The following GALK2 variants were observed in gnomAD, a reference collection of about 807,000 sequenced individuals.
The protein encoded by GALK2 is N-acetylgalactosamine kinase.
In GALK2, 36 loss-of-function variants were observed where a neutral mutation model predicts 52.4. The ratio of observed to expected loss-of-function variants is 0.69; its 90% CI spans 0.53 to 0.91. The LOEUF (loss-of-function observed/expected upper bound fraction) is 0.91. GALK2 is among the 40% of genes least tolerant of loss of function. The pLI is 0.00. For missense variants in GALK2, 579 were observed against 559.1 expected (o/e 1.04, Z -0.36); for synonymous variants, 176 against 199.1 (o/e 0.88, Z 0.98).
chr15:49,338,335 C>G (rs1163892016), intron 3 of GALK2, among the ~76,000 whole-genome samples: 1 of 152,180 alleles, frequency 6.6e-6, no homozygotes, highest in African/African-American at 2.4e-5. Context: ...GTGACAAAAT[C>G]TCTCAGCATT....
chr15:49,328,796 A>C lies in GALK2; in HGVS notation c.*637A>C. 1 of 1,424,382 alleles carries C rather than the reference A, an allele frequency of 7.0e-7. No homozygotes were observed. The highest frequency in any genetic ancestry group is 2.5e-5 in the East Asian group (1 of 39,992). 88.2% of individuals were successfully genotyped at this position (1,424,382 alleles called of 1,614,324 possible). On this transcript the variant is annotated 3_prime_UTR_variant, in exon 10 of 10. Transcript: ENST00000560031. ...AGGATTTTTTTTTTTTTTTGACAAAAGGAGGATACAGGAAGAAAATTCAGA... is the reference window on the plus strand; with the variant it reads ...AGGATTTTTTTTTTTTTTTGACAAACGGAGGATACAGGAAGAAAATTCAGA...
chr15:49,324,132 A>G (rs2037130329), intron 9 of GALK2, among the ~76,000 whole-genome samples: 1 of 152,186 alleles, frequency 6.6e-6, no homozygotes, highest in Non-Finnish European at 1.5e-5. Flanking sequence ...TTGTTTTGAC[A>G]CTTGTTGAAG....
chr15:49,366,034 G>T, intron 3 of GALK2: 1 of 808,360 alleles, frequency 1.2e-6, no homozygotes. Context: ...AGGACTAAAA[G>T]TTAGATATTC....
At position 49,329,624 on chromosome 15, in the gene GALK2, G is replaced by A. The variant is rs2038213254; in HGVS notation, c.*1465G>A. On this transcript the variant is annotated 3_prime_UTR_variant, in exon 10 of 10. Coordinates refer to ENST00000560031, the MANE Select transcript of GALK2 (RefSeq NM_002044.4). ...TTCTGATGCATTTTCATTCTTAGCA[G>A]AAAGGTAAATGCTTGAGAAAGCTTG... 1.0e-6 allele frequency: 1 copy of A among 984,908 alleles called. No individual in the cohort carries two copies. Among genetic ancestry groups the A allele is most frequent in the Non-Finnish European group, 1.2e-6 (1 of 829,510 alleles). The allele number at this position is 984,908 out of a possible 1,614,324, so 61.0% of individuals were successfully genotyped here. A position where few individuals can be genotyped will look rare whatever the true frequency, so the allele number is the denominator to read the frequency against.
intron 4 of GALK2, among the ~76,000 whole-genome samples, chr15:49,238,154 T>G (rs1170848379): frequency 2.6e-5 from 4 of 152,204 alleles, no homozygotes; most frequent in Non-Finnish European, 5.9e-5. Flanking sequence ...AATGCATAAT[T>G]AGGTAATAGT....
chr15:49,355,263 A>G (rs571534834), intron 3 of GALK2, among the ~76,000 whole-genome samples: 2 of 152,272 alleles, frequency 1.3e-5, no homozygotes, highest in Admixed American at 1.3e-4. Flanking sequence ...GAGCTCAGAG[A>G]AGAAGGCTTC....
At chr15:49,299,523 A>G (rs2034779906) in intron 8 of GALK2, among the ~76,000 whole-genome samples, 4 of 152,106 alleles carry the variant, frequency 2.6e-5, no homozygotes. Flanking sequence ...GTAGGTGTTC[A>G]GTGCTATAAA....
At chr15:49,246,870 A>G (rs544483839) in intron 5 of GALK2, among the ~76,000 whole-genome samples, 5 of 152,328 alleles carry the variant, frequency 3.3e-5, no homozygotes, top group Admixed American at 1.3e-4. Flanking sequence ...AATACCTACT[A>G]TATGCCATGC....
intron 5 of GALK2, among the ~76,000 whole-genome samples, chr15:49,247,471 A>G (rs1021987644): frequency 1.3e-5 from 2 of 152,204 alleles, no homozygotes; most frequent in Admixed American, 6.5e-5. Flanking sequence ...GAAGGAAGGA[A>G]GACAAATGGT....
intron 2 of GALK2, among the ~76,000 whole-genome samples, chr15:49,210,832 C>T (rs1297120034): frequency 6.6e-6 from 1 of 151,892 alleles, no homozygotes; most frequent in Non-Finnish European, 1.5e-5. Context: ...CTGCAACCTG[C>T]ACTTCCTGGA....
chr15:49,277,483 A>C (rs2031992176), intron 5 of GALK2, among the ~76,000 whole-genome samples: 1 of 139,462 alleles, frequency 7.2e-6, no homozygotes, highest in East Asian at 2.2e-4. Context: ...TAGTTTCTTT[A>C]TATATCATAA....
At chr15:49,226,870 C>T (rs1413078953) in intron 3 of GALK2, among the ~76,000 whole-genome samples, 1 of 152,082 alleles carries the variant, frequency 6.6e-6, no homozygotes, top group Non-Finnish European at 1.5e-5. Context: ...TGTTAAATTT[C>T]CTTGTATTTA....
intron 3 of GALK2, among the ~76,000 whole-genome samples, chr15:49,347,146 G>A (rs73396238): frequency 0.17 from 25,595 of 152,124 alleles, 2,414 homozygotes; most frequent in Non-Finnish European, 0.21. Context: ...GTATACTCAG[G>A]AAATTGAGGG....
At position 49,326,440 on chromosome 15, in the gene GALK2, C is replaced by T. The variant is rs143079553; in HGVS notation, c.1170-1512C>T. Among the ~76,000 whole-genome samples, 442 of 151,858 alleles carry T rather than the reference C, an allele frequency of 2.9e-3. 1 individual carries two copies. The highest frequency in any genetic ancestry group is 9.5e-3 in the African/African-American group (392 of 41,420). On this transcript the variant is annotated intron_variant, in intron 9 of 9. Transcript: ENST00000560031. ...CTAATTTTTGTATTTTTAGTAGAGA[C>T]GGGGTTTCACCATGTTGGTCAGGCT... is the stretch of plus-strand genomic sequence containing the variant.
At chr15:49,338,834 C>T (rs373568932) in intron 3 of GALK2, among the ~76,000 whole-genome samples, 1 of 152,056 alleles carries the variant, frequency 6.6e-6, no homozygotes, top group Non-Finnish European at 1.5e-5. Context: ...TCTTTTCATT[C>T]TTTTTTTCTC....
downstream of GALK2, among the ~76,000 whole-genome samples, chr15:49,332,088 CACA>C (rs1226443836): frequency 3.6e-5 from 2 of 55,270 alleles, no homozygotes; most frequent in South Asian, 6.2e-4. Context: ...GCACACGTGC[CACA>C]CACACACACA....
chr15:49,239,856 T>A (rs1029759366), intron 5 of GALK2, among the ~76,000 whole-genome samples: 1 of 152,194 alleles, frequency 6.6e-6, no homozygotes, highest in Non-Finnish European at 1.5e-5. Flanking sequence ...AAATATAAAT[T>A]GTACAAGAGG....
chr15:49,199,576 A>G (rs1295521606), intron 1 of GALK2, among the ~76,000 whole-genome samples: 3 of 152,210 alleles, frequency 2.0e-5, no homozygotes, highest in African/African-American at 7.2e-5. Context: ...TTTTTACTAA[A>G]TGACCTCACC....
intron 3 of GALK2, among the ~76,000 whole-genome samples, chr15:49,222,386 T>A (rs541769228): frequency 1.3e-5 from 2 of 152,292 alleles, no homozygotes; most frequent in South Asian, 4.1e-4. Flanking sequence ...ATCCTTCTAT[T>A]TTTATTCTTG....
Sources: gnomAD v4.1 joint callset for allele counts (sites outside exome capture counted in the v4.1 genomes callset) on GRCh38, gnomAD v4.1.1 for gene constraint, MANE v1.5 for transcripts, NCBI Gene and HGNC (gene_info 2026-07-23, HGNC 2026-07-21) for gene names.